The following DMD variants were observed in gnomAD, a reference collection of about 807,000 sequenced individuals.
The protein encoded by DMD is mutant dystrophin.
DMD carries 63 observed loss-of-function variants against 330.1 expected under a neutral mutation model. The ratio of observed to expected loss-of-function variants is 0.19; its 90% CI spans 0.16 to 0.24. The LOEUF is 0.24. Ranked by LOEUF, DMD falls within the 10% of genes least tolerant of loss-of-function variation. The pLI, the probability that DMD is intolerant of heterozygous loss-of-function variation, is 1.00. For synonymous variants in DMD, 1,223 were observed against 959.8 expected (o/e 1.27, Z -5.07); for missense variants, 3,344 against 2,684.1 (o/e 1.25, Z -5.43).
intron 7 of DMD, among the ~76,000 whole-genome samples, chrX:32,786,668 C>T (rs969264296): frequency 9.0e-6 from 1 of 111,408 alleles, no homozygotes; most frequent in Non-Finnish European, 1.9e-5. Flanking sequence ...CCCAATTAGC[C>T]CTGTAATAAA....
chrX:31,368,930 GC>G (rs2059402421), intron 60 of DMD, among the ~76,000 whole-genome samples: 1 of 111,532 alleles, frequency 9.0e-6, no homozygotes, highest in African/African-American at 3.3e-5. Context: ...ACAGGCATGA[GC>G]CACCATGCCC....
intron 1 of DMD, among the ~76,000 whole-genome samples, chrX:33,074,804 A>G (rs182492861): frequency 0.018 from 2,034 of 111,501 alleles, 51 homozygotes; most frequent in African/African-American, 0.063. Context: ...TGCAAAAATT[A>G]TAACGGTGAG....
chrX:32,677,888 G>A (rs1158174774), intron 9 of DMD, among the ~76,000 whole-genome samples: 1 of 111,940 alleles, frequency 8.9e-6, no homozygotes, highest in African/African-American at 3.2e-5. Flanking sequence ...TAAAGAAGAT[G>A]TGGTAAATAC....
chrX:32,467,017 C>G (rs1256191518), intron 23 of DMD, among the ~76,000 whole-genome samples: 1 of 111,922 alleles, frequency 8.9e-6, no homozygotes, highest in Non-Finnish European at 1.9e-5. Context: ...ATAACAAGAG[C>G]CATGTAATTG....
intron 17 of DMD, among the ~76,000 whole-genome samples, chrX:32,538,980 T>G (rs2148923773): frequency 9.0e-6 from 1 of 111,402 alleles, no homozygotes; most frequent in African/African-American, 3.3e-5. Context: ...TACTGTTTCA[T>G]GCACTGCAGT....
At chrX:33,218,367 C>T (rs901057234) in intron 1 of DMD, among the ~76,000 whole-genome samples, 2 of 110,822 alleles carry the variant, frequency 1.8e-5, no homozygotes, top group East Asian at 2.8e-4. Context: ...GGAAGTGTTG[C>T]CTCCTCTTCT....
chrX:32,796,688 C>T (rs977163930), intron 7 of DMD, among the ~76,000 whole-genome samples: 3 of 111,487 alleles, frequency 2.7e-5, no homozygotes, highest in African/African-American at 9.8e-5. Flanking sequence ...ACATTCAGTG[C>T]GTTTAACAAA....
intron 11 of DMD, among the ~76,000 whole-genome samples, chrX:32,614,832 G>C (rs779389365): frequency 2.7e-4 from 30 of 110,671 alleles, no homozygotes; most frequent in Non-Finnish European, 5.1e-4. Flanking sequence ...CCCTTCAAGA[G>C]ATGAGGTCTA....
chrX:31,787,410 CAT>C (rs981071319), intron 50 of DMD, among the ~76,000 whole-genome samples: 2 of 112,119 alleles, frequency 1.8e-5, no homozygotes, highest in East Asian at 2.8e-4. Flanking sequence ...ATTGGTATCA[CAT>C]GTTATATAAT....
At chrX:31,135,908 C>T (rs2035162194) in intron 76 of DMD, among the ~76,000 whole-genome samples, 1 of 111,958 alleles carries the variant, frequency 8.9e-6, no homozygotes, top group African/African-American at 3.2e-5. Flanking sequence ...CTTCGGAAGC[C>T]AGTGACTAAA....
intron 2 of DMD, among the ~76,000 whole-genome samples, chrX:33,004,545 T>G (rs1425656701): frequency 8.9e-6 from 1 of 111,853 alleles, no homozygotes; most frequent in Admixed American, 9.6e-5. Flanking sequence ...TCCCTAAGTT[T>G]TAATTTATAA....
At chrX:33,324,819 A>G (rs188974322) in intron 1 of DMD, among the ~76,000 whole-genome samples, 17 of 112,120 alleles carry the variant, frequency 1.5e-4, no homozygotes, top group African/African-American at 5.2e-4. Context: ...AAAAGGCAAA[A>G]AAGCAATCAT....
chrX:32,076,375 C>T (rs184543608), intron 44 of DMD, among the ~76,000 whole-genome samples: 13,289 of 95,186 alleles, frequency 0.14, 839 homozygotes, highest in African/African-American at 0.27. Context: ...TTCTTTTTTT[C>T]TTTCTTTCTT....
intron 44 of DMD, among the ~76,000 whole-genome samples, chrX:32,158,342 C>T (rs1017312793): frequency 3.6e-5 from 4 of 110,202 alleles, no homozygotes; most frequent in East Asian, 2.8e-4. Context: ...TGACCAGACT[C>T]GGCAAAATAG....
chrX:32,062,940 G>C (rs1372335382), intron 44 of DMD, among the ~76,000 whole-genome samples: 1 of 110,590 alleles, frequency 9.0e-6, no homozygotes, highest in Non-Finnish European at 1.9e-5. Context: ...AGTAATTTCA[G>C]ATCTGCTGTT....
At chrX:32,687,268 C>A (rs1321275246) in intron 9 of DMD, among the ~76,000 whole-genome samples, 1 of 111,884 alleles carries the variant, frequency 8.9e-6, no homozygotes, top group African/African-American at 3.2e-5. Flanking sequence ...ACCATGCTAG[C>A]CACATTTCCC....
intron 60 of DMD, among the ~76,000 whole-genome samples, chrX:31,356,924 CT>C (rs58097229): frequency 0.37 from 26,820 of 73,452 alleles, 4,118 homozygotes; most frequent in Non-Finnish European, 0.39. Context: ...TTTCTTCTGC[CT>C]TTTTTTTTTT....
chrX:32,570,764 T>C (rs2052327017), intron 15 of DMD, among the ~76,000 whole-genome samples: 1 of 111,766 alleles, frequency 8.9e-6, no homozygotes, highest in South Asian at 3.7e-4. Flanking sequence ...TTTACATGTG[T>C]AATGAGATTG....
At chrX:31,663,179 T>C (rs1356012733) in intron 53 of DMD, among the ~76,000 whole-genome samples, 5 of 111,911 alleles carry the variant, frequency 4.5e-5, no homozygotes, top group African/African-American at 1.6e-4. Context: ...GTCTTGGCAG[T>C]ATCTCCTTTG....
Sources: allele counts gnomAD v4.1 joint callset (sites outside exome capture counted in the v4.1 genomes callset), GRCh38; gene constraint gnomAD v4.1.1; transcripts MANE v1.5; gene names NCBI Gene and HGNC (gene_info 2026-07-23, HGNC 2026-07-21).